Variants in CNPY3 observed in about 807,000 individuals in gnomAD.
The protein encoded by CNPY3 is canopy FGF signaling regulator 3.
CNPY3 carries 20 observed loss-of-function variants against 32.0 expected under a neutral mutation model. That is an observed-to-expected ratio of 0.63 (90% CI 0.44 to 0.91). CNPY3 has a LOEUF of 0.91. CNPY3 is among the 40% of genes least tolerant of loss of function. CNPY3 has a pLI of 0.00. For missense variants in CNPY3, 299 were observed against 340.8 expected (o/e 0.88, Z 0.97); for synonymous variants, 138 against 142.9 (o/e 0.97, Z 0.24).
At position 42,934,608 on chromosome 6, in the gene CNPY3, T is replaced by C. The variant is rs754771020; in HGVS notation, c.275+10T>C. 1.4e-5 allele frequency: 22 copies of C among 1,613,602 alleles called. No homozygotes were observed. Among genetic ancestry groups the C allele is most frequent in the South Asian group, 1.3e-4 (12 of 91,056 alleles). On this transcript the variant is annotated intron_variant, in intron 2 of 5. Transcript: ENST00000372836. ...TCAAATACACCAAGTCGTAAGTGAA[T>C]GGGGACTCACTGGCCTGGCCTGCGT...
In CNPY3 at chr6:42,929,705, G is replaced by A; in HGVS notation, c.135G>A (p.Leu45=). Residue 45 remains leucine, a synonymous_variant, in exon 1 of 6, where the codon CTG becomes CTA. Transcript: ENST00000372836. ...AGAEENDWVR[L]PSKCEVCKYV... is the part of the protein sequence containing the mutation. The stretch of plus-strand genomic sequence containing the variant: ...CTGAGGAGAACGACTGGGTTCGCCT[G>A]CCCAGCAAATGCGAAGGTGAGGAGG... 6.5e-7 allele frequency: 1 copy of A among 1,547,956 alleles called. No individual in the cohort carries two copies. The highest frequency in any genetic ancestry group is 2.4e-5 in the East Asian group (1 of 40,916).
chr6:42,928,449 C>T (rs934376370), upstream of CNPY3, among the ~76,000 whole-genome samples: 11 of 147,942 alleles, frequency 7.4e-5, no homozygotes, highest in African/African-American at 1.8e-4. Flanking sequence ...TGGCCTTTTT[C>T]TTCTTCTTCT....
At chr6:42,928,643 G>A (rs190534455), upstream of CNPY3, among the ~76,000 whole-genome samples, 2 of 152,304 alleles carry the variant, frequency 1.3e-5, no homozygotes, top group East Asian at 3.9e-4. Context: ...GCACCCTGTT[G>A]TTGCTGGGGA....
intron 1 of CNPY3, among the ~76,000 whole-genome samples, chr6:42,931,661 C>G (rs1053432653): frequency 7.9e-5 from 12 of 151,490 alleles, no homozygotes; most frequent in Non-Finnish European, 1.6e-4. Context: ...GCACCCAGCC[C>G]AGCTAACTGA....
chr6:42,929,454 T>C, upstream of CNPY3: 1 of 1,105,716 alleles, frequency 9.0e-7, no homozygotes, highest in Non-Finnish European at 1.3e-6. Flanking sequence ...GGCTAGCTGT[T>C]GTCGTGGTTG....
At position 42,929,495 on chromosome 6, in the gene CNPY3, G is replaced by A; in HGVS notation, c.-76G>A. 1 of 1,446,346 alleles carries A rather than the reference G, an allele frequency of 6.9e-7. No individual in the cohort carries two copies. Among genetic ancestry groups the A allele is most frequent in the Non-Finnish European group, 9.2e-7 (1 of 1,085,654 alleles). The allele number at this position is 1,446,346 out of a possible 1,614,324, so 89.6% of individuals were successfully genotyped here. ...AGGCACGTGTGCAGTCCCGGAAGCG[G>A]CGAGGGGAAACTGCTCCGCGCGCGC... On this transcript the variant is annotated 5_prime_UTR_variant, in exon 1 of 6. Transcript: ENST00000372836.
At chr6:42,931,151 C>G (rs752087195) in intron 1 of CNPY3, among the ~76,000 whole-genome samples, 1 of 151,634 alleles carries the variant, frequency 6.6e-6, no homozygotes, top group African/African-American at 2.4e-5. Flanking sequence ...TGGGCTCCCA[C>G]AGTGCTGGGC....
intron 5 of CNPY3, 53 bp downstream of exon 5, chr6:42,938,260 C>T (rs1768373342): frequency 1.4e-6 from 2 of 1,388,666 alleles, no homozygotes; most frequent in Non-Finnish European, 2.0e-6. Flanking sequence ...GTTTGCTCTC[C>T]CTTGGGGGAG....
chr6:42,929,665 C>T lies in CNPY3; in HGVS notation c.95C>T (p.Pro32Leu). The T allele has an allele frequency of 6.4e-7, 1 of 1,551,786 alleles. No homozygotes were observed. Among genetic ancestry groups the T allele is most frequent in the Non-Finnish European group, 8.7e-7 (1 of 1,148,204 alleles). Residue 32 changes from proline (P) to leucine (L), a missense_variant, in exon 1 of 6, where the codon CCG becomes CTG. Physicochemically the swap from Pro to Leu is moderately conservative, Grantham distance 98. Transcript: ENST00000372836. ...LLLLPAPELG[P>L]SQAGAEENDW... The stretch of plus-strand genomic sequence containing the variant: ...CTGCTGCCGGCCCCGGAGCTGGGCC[C>T]GAGCCAGGCCGGAGCTGAGGAGAAC...
chr6:42,938,302 G>GATCCTACAATGCCCTCT, intron 5 of CNPY3, 95 bp downstream of exon 5: 1 of 962,800 alleles, frequency 1.0e-6, no homozygotes, highest in Non-Finnish European at 1.7e-6. Context: ...GGGCACCAGA[G>GATCCTACAATGCCCTCT]GGCATTGTAG....
Position 42,934,524 on chromosome 6 carries a change from C to G in CNPY3, c.201C>G (p.Gly67=), listed in dbSNP as rs1345740293. Residue 67 remains glycine (G), a synonymous_variant, in exon 2 of 6, where the codon GGC becomes GGG. Coordinates refer to ENST00000372836, the MANE Select transcript of CNPY3 (RefSeq NM_006586.5). ...VELKSAFEET[G]KTKEVIGTGY... is the part of the protein sequence containing the mutation. ...TGAAGTCAGCCTTTGAGGAAACCGG[C>G]AAGACCAAGGAGGTGATTGGCACGG... The G allele has an allele frequency of 2.5e-6, 4 of 1,613,970 alleles. No homozygotes were observed. Among genetic ancestry groups the G allele is most frequent in the Non-Finnish European group, 3.4e-6 (4 of 1,179,990 alleles).
Position 42,938,769 on chromosome 6 carries a change from A to G in CNPY3, c.815A>G (p.His272Arg), listed in dbSNP as rs1768410597. The G allele has an allele frequency of 2.5e-6, 4 of 1,612,342 alleles. No individual in the cohort carries two copies. The highest frequency in any genetic ancestry group is 2.5e-6 in the Non-Finnish European group (3 of 1,179,056). ...ATCCAGAAGGCATCCCCTCTCACAC[A>G]CAGCCCCCCTGATGAGCTCTGAGCC... ...EGIQKASPLT[H>R]SPPDEL The change falls in exon 6 of 6, where the codon CAC (histidine) becomes CGC (arginine). Residue 272 changes from histidine to arginine, a missense_variant. His to Arg is a conservative substitution (Grantham distance 29). This residue lies in a region of CNPY3 where 211 missense variants were observed against 278.3 expected (regional missense o/e 0.76). Coordinates refer to ENST00000372836, the MANE Select transcript of CNPY3 (RefSeq NM_006586.5).
chr6:42,934,438 T>G (rs1446286003), intron 1 of CNPY3, 37 bp from the exon 2 acceptor site: 1 of 1,613,026 alleles, frequency 6.2e-7, no homozygotes, highest in Non-Finnish European at 8.5e-7. Flanking sequence ...ATTAGACTCA[T>G]GTGCACTCAG....
intron 2 of CNPY3, chr6:42,935,265 A>G (rs948795804): frequency 4.0e-6 from 1 of 249,258 alleles, no homozygotes; most frequent in African/African-American, 2.3e-5. Context: ...GTCAGCTGTG[A>G]TCATCCTTTC....
chr6:42,933,879 A>G (rs1768014835), intron 1 of CNPY3, among the ~76,000 whole-genome samples: 2 of 152,252 alleles, frequency 1.3e-5, no homozygotes, highest in Non-Finnish European at 2.9e-5. Flanking sequence ...TTTAGAAAGT[A>G]AAATGATAGA....
chr6:42,939,149 A>G lies in CNPY3; in HGVS notation c.*358A>G, dbSNP rs1410145192. 16 of 1,071,420 alleles carry G rather than the reference A, an allele frequency of 1.5e-5. No homozygotes were observed. Among genetic ancestry groups the G allele is most frequent in the Non-Finnish European group, 1.8e-5 (16 of 884,604 alleles). 66.4% of individuals were successfully genotyped at this position (1,071,420 alleles called of 1,614,324 possible). A position where few individuals can be genotyped will look rare whatever the true frequency, so the allele number is the denominator to read the frequency against. ...TCACCATCCCTCAGTCCTCCCCAACAGGGTACTAGGACTGCAGCCCCCTGT... is the reference window on the plus strand; with the variant it reads ...TCACCATCCCTCAGTCCTCCCCAACGGGGTACTAGGACTGCAGCCCCCTGT... On this transcript the variant is annotated 3_prime_UTR_variant, in exon 6 of 6. Transcript: ENST00000372836.
In CNPY3 at chr6:42,938,728, C is replaced by T. The variant is rs1256509421; in HGVS notation, c.774C>T (p.Pro258=). 66 of 1,613,742 alleles carry T rather than the reference C, an allele frequency of 4.1e-5. No homozygotes were observed. Among genetic ancestry groups the T allele is most frequent in the Non-Finnish European group, 5.2e-5 (61 of 1,179,894 alleles). Residue 258 remains proline, a synonymous_variant, in exon 6 of 6, where the codon CCC becomes CCT. Transcript: ENST00000372836. ...GTGGCCTTGAGGGAGACCCCAGCCC[C>T]GAGGAGGATGAGGGCATCCAGAAGG... ...ELGGLEGDPS[P]EEDEGIQKAS...
intron 1 of CNPY3, among the ~76,000 whole-genome samples, chr6:42,930,843 C>G (rs939482150): frequency 2.0e-5 from 3 of 151,872 alleles, no homozygotes; most frequent in Non-Finnish European, 2.9e-5. Flanking sequence ...GGTAGGGCAC[C>G]CAGTATGAGT....
chr6:42,935,087 C>T (rs1335770765), intron 2 of CNPY3, among the ~76,000 whole-genome samples: 3 of 152,104 alleles, frequency 2.0e-5, no homozygotes, highest in Non-Finnish European at 4.4e-5. Context: ...AGGCTGGTCT[C>T]GAACTCCTGA....
Sources: allele counts gnomAD v4.1 joint callset (sites outside exome capture counted in the v4.1 genomes callset), GRCh38; gene constraint gnomAD v4.1.1; regional missense constraint gnomAD v4.1.1; transcripts MANE v1.5; gene names NCBI Gene and HGNC (gene_info 2026-07-23, HGNC 2026-07-21).